The following DNAH17 variants were observed in gnomAD, a reference collection of about 807,000 sequenced individuals.
DNAH17 encodes dynein axonemal heavy chain 17.
A neutral mutation model predicts 485.6 loss-of-function variants in DNAH17; 376 were observed. That is an observed-to-expected ratio of 0.77 (90% CI 0.71 to 0.84). The LOEUF (loss-of-function observed/expected upper bound fraction) is 0.84, where lower values mean the gene tolerates loss of function less well. Among genes scored for constraint, DNAH17 ranks in the 40% least tolerant of loss-of-function variants. The probability of loss-of-function intolerance (pLI) is 0.00; values close to 1 mark genes in which losing one functional copy is unlikely to be tolerated. For synonymous variants in DNAH17, 3,031 were observed against 2,405.9 expected (o/e 1.26, Z -7.60); for missense variants, 6,370 against 5,839.3 (o/e 1.09, Z -2.96).
At chr17:78,551,774 C>A (rs531571692) in intron 15 of DNAH17, 136 bp from the exon 16 acceptor site, 451 of 730,264 alleles carry the variant, frequency 6.2e-4, no homozygotes, top group Admixed American at 1.9e-3. Context: ...CCAGCCTGGG[C>A]AACATGGTGA....
intron 25 of DNAH17, among the ~76,000 whole-genome samples, chr17:78,521,561 C>G (rs2090935045): frequency 1.3e-5 from 2 of 151,776 alleles, no homozygotes; most frequent in Non-Finnish European, 2.9e-5. Flanking sequence ...GGCTCATAGA[C>G]AAACAGAAAG....
chr17:78,546,045 G>A (rs758936199), intron 16 of DNAH17, among the ~76,000 whole-genome samples: 15 of 151,994 alleles, frequency 9.9e-5, no homozygotes, highest in Admixed American at 3.3e-4. Flanking sequence ...CACAATCTCA[G>A]GTCACTGCAG....
rs141314799 is a variant in DNAH17 at position 78,571,666 on chromosome 17, C to G, written c.656G>C (p.Gly219Ala). ...SKDSAQALLD[G>A]LHPLPQVEFE... Reference sequence around the variant, plus strand: ...CTCCACTTGGGGCAGGGGGTGCAGCCCATCCAGCAGCGCCTGGGCTGAGTC... The same window carrying G: ...CTCCACTTGGGGCAGGGGGTGCAGCGCATCCAGCAGCGCCTGGGCTGAGTC... The change falls in exon 4 of 81, where the codon GGG becomes GCG. Residue 219 changes from glycine (G) to alanine (A), a missense_variant. Physicochemically the swap from Gly to Ala is moderately conservative, Grantham distance 60 (BLOSUM62 0). Coordinates refer to ENST00000389840, the MANE Select transcript of DNAH17 (RefSeq NM_173628.4). The G allele has an allele frequency of 3.6e-4, 588 of 1,613,970 alleles. 2 individuals are homozygous for G. In the African/African-American group the frequency reaches 6.8e-3, roughly 19 times the overall value.
chr17:78,483,784 G>A (rs1453084752), intron 48 of DNAH17, among the ~76,000 whole-genome samples: 1 of 152,006 alleles, frequency 6.6e-6, no homozygotes, highest in Non-Finnish European at 1.5e-5. Context: ...CTTTTGGCCT[G>A]AGCTACTTGC....
At chr17:78,467,750 A>C (rs9913689) in intron 55 of DNAH17, among the ~76,000 whole-genome samples, 2 of 151,976 alleles carry the variant, frequency 1.3e-5, no homozygotes, top group African/African-American at 4.8e-5. Context: ...GATGTCGAAA[A>C]TCAAGGTGTG....
At chr17:78,575,703 T>A (rs1357006587) in intron 1 of DNAH17, among the ~76,000 whole-genome samples, 2 of 152,108 alleles carry the variant, frequency 1.3e-5, no homozygotes, top group Non-Finnish European at 2.9e-5. Flanking sequence ...GCTGCTCAGA[T>A]GCTCGGGGGT....
In DNAH17 at chr17:78,501,888, G is replaced by A. The variant is rs1477456087; in HGVS notation, c.5191-15C>T. 2.5e-6 allele frequency: 4 copies of A among 1,613,672 alleles called. No homozygotes were observed. The East Asian group carries it at 6.7e-5, about 27-fold the overall frequency. ...AGCTGGCTAATCTGCGGGGGAGAGT[G>A]CCTTCGATGAGACACCACGGGTGCC... On this transcript the variant is annotated splice_polypyrimidine_tract_variant and intron_variant, in intron 33 of 80. Coordinates refer to ENST00000389840, the MANE Select transcript of DNAH17 (RefSeq NM_173628.4).
intron 58 of DNAH17, 114 bp from the exon 59 acceptor site, chr17:78,460,371 T>G (rs961758706): frequency 2.2e-6 from 2 of 892,072 alleles, no homozygotes; most frequent in East Asian, 5.3e-5. Context: ...TGCACGTGCA[T>G]GAGTGTATGT....
chr17:78,544,654 T>A (rs920581814), intron 16 of DNAH17, among the ~76,000 whole-genome samples: 1 of 151,822 alleles, frequency 6.6e-6, no homozygotes, highest in African/African-American at 2.4e-5. Flanking sequence ...TACAAAAAAT[T>A]AGCCGCGCAT....
At chr17:78,561,096 A>G (rs2092144143) in intron 12 of DNAH17, among the ~76,000 whole-genome samples, 161 bp from the exon 13 acceptor site, 2 of 152,048 alleles carry the variant, frequency 1.3e-5, no homozygotes, top group Middle Eastern at 3.2e-3. Flanking sequence ...GGCCAGACCA[A>G]ATGTTCAAAT....
intron 51 of DNAH17, among the ~76,000 whole-genome samples, chr17:78,477,310 A>G (rs1351728894): frequency 1.3e-5 from 2 of 152,200 alleles, no homozygotes; most frequent in Admixed American, 6.5e-5. Flanking sequence ...CAGGGCAGTA[A>G]GACAGAGTGT....
intron 15 of DNAH17, 131 bp from the exon 16 acceptor site, chr17:78,551,769 C>G: frequency 1.3e-6 from 1 of 765,062 alleles, no homozygotes; most frequent in Non-Finnish European, 2.2e-6. Flanking sequence ...CGAGACCAGC[C>G]TGGGCAACAT....
At chr17:78,441,689 G>C (rs890540151) in intron 71 of DNAH17, among the ~76,000 whole-genome samples, 1 of 152,194 alleles carries the variant, frequency 6.6e-6, no homozygotes, top group South Asian at 2.1e-4. Flanking sequence ...ATGGAGGACC[G>C]AGTGATGTTC....
At chr17:78,530,078 G>A (rs1336693148) in intron 21 of DNAH17, among the ~76,000 whole-genome samples, 8 of 152,232 alleles carry the variant, frequency 5.3e-5, no homozygotes, top group Admixed American at 2.0e-4. Context: ...AGCCTTCCCT[G>A]ACAGACTTCT....
intron 24 of DNAH17, among the ~76,000 whole-genome samples, chr17:78,525,548 A>G (rs1341290599): frequency 6.6e-6 from 1 of 152,272 alleles, no homozygotes; most frequent in Non-Finnish European, 1.5e-5. Flanking sequence ...AGCAAAGAGG[A>G]AAAATCCGTA....
In DNAH17 at chr17:78,483,485, G is replaced by A. The variant is rs188509736; in HGVS notation, c.7649+1383C>T. On this transcript the variant is annotated intron_variant, in intron 48 of 80. Transcript: ENST00000389840. ...TTTCTACTAAAAATACAAAAATTAG[G>A]TGGGCATGGTGGCAGGCACCTATAA... Among the ~76,000 whole-genome samples, 138 of 152,140 alleles carry A rather than the reference G, an allele frequency of 9.1e-4. 1 individual carries two copies. Among genetic ancestry groups the A allele is most frequent in the Admixed American group, 4.2e-3 (64 of 15,272 alleles).
At chr17:78,502,783 G>A in intron 32 of DNAH17, 85 bp from the exon 33 acceptor site, 1 of 1,588,268 alleles carries the variant, frequency 6.3e-7, no homozygotes, top group Non-Finnish European at 8.6e-7. Flanking sequence ...AAGCTTAGAT[G>A]GTTTTCCAGG....
rs566393891 is a variant in DNAH17 at position 78,450,551 on chromosome 17, G to A, written c.10899+131C>T. ...GATGGGAGCCCAGACCCCTTCTCCTGCCCTGGGCCCACTCGGGCACGTATG... is the reference window on the plus strand; with the variant it reads ...GATGGGAGCCCAGACCCCTTCTCCTACCCTGGGCCCACTCGGGCACGTATG... On this transcript the variant is annotated intron_variant, in intron 67 of 80. Coordinates refer to ENST00000389840, the MANE Select transcript of DNAH17 (RefSeq NM_173628.4). 3 of 1,418,830 alleles carry A rather than the reference G, an allele frequency of 2.1e-6. No homozygotes were observed. In the South Asian group the frequency reaches 4.0e-5, roughly 19 times the overall value. 87.9% of individuals were successfully genotyped at this position (1,418,830 alleles called of 1,614,324 possible). A position where few individuals can be genotyped will look rare whatever the true frequency, so the allele number is the denominator to read the frequency against.
chr17:78,464,993 C>T (rs1450542685), intron 56 of DNAH17, among the ~76,000 whole-genome samples: 1 of 152,250 alleles, frequency 6.6e-6, no homozygotes, highest in African/African-American at 2.4e-5. Flanking sequence ...CATGCTGAGC[C>T]GAGGCTGGAC....
Sources: gnomAD v4.1 joint callset for allele counts (sites outside exome capture counted in the v4.1 genomes callset) on GRCh38, gnomAD v4.1.1 for gene constraint, MANE v1.5 for transcripts, NCBI Gene and HGNC (gene_info 2026-07-23, HGNC 2026-07-21) for gene names.